MYLK: variants seen among roughly 807,000 people sequenced by gnomAD.
MYLK encodes the protein myosin light chain kinase, smooth muscle.
In MYLK, 106 loss-of-function variants were observed where a neutral mutation model predicts 203.4. The observed-to-expected ratio is 0.52, with a 90% CI of 0.45 to 0.61. The LOEUF (loss-of-function observed/expected upper bound fraction) is 0.61, where lower values mean the gene tolerates loss of function less well. MYLK is among the 20% of genes least tolerant of loss of function. The pLI is 0.00. For missense variants in MYLK, 2,072 were observed against 2,442.3 expected, an observed-to-expected ratio of 0.85 and a Z score of 3.20; for synonymous variants, 867 against 959.5, an observed-to-expected ratio of 0.90 and a Z score of 1.78.
chr3:123,686,648 C>T (rs2060468568), intron 19 of MYLK, among the ~76,000 whole-genome samples: 1 of 152,068 alleles, frequency 6.6e-6, no homozygotes, highest in South Asian at 2.1e-4. Context: ...GTTGTGAGTC[C>T]CTGGGCAAGT....
chr3:123,624,665 A>G (rs577582164), intron 31 of MYLK: 33 of 152,274 alleles, frequency 2.2e-4, no homozygotes, highest in African/African-American at 7.9e-4. Flanking sequence ...CCTCCCCCAC[A>G]TTTTTAAAAA....
At chr3:123,681,660 A>G (rs561635473) in intron 20 of MYLK, 106 of 169,906 alleles carry the variant, frequency 6.2e-4, no homozygotes, top group Non-Finnish European at 9.1e-4. Flanking sequence ...TGGCCTGAGT[A>G]TAAAATAGAA....
At chr3:123,733,162 G>A in intron 10 of MYLK, 60 bp from the exon 11 acceptor site, 2 of 1,561,398 alleles carry the variant, frequency 1.3e-6, no homozygotes, top group East Asian at 2.3e-5. Context: ...CTGTGATTGT[G>A]AGGTAGGTGG....
At chr3:123,766,931 T>C (rs111263474) in intron 4 of MYLK, among the ~76,000 whole-genome samples, 4,385 of 152,282 alleles carry the variant, frequency 0.029, 207 homozygotes, top group African/African-American at 0.096. Flanking sequence ...TGGTGGCCTG[T>C]TTGGGGGCTG....
chr3:123,750,840 A>T lies in MYLK; in HGVS notation c.373+1491T>A, dbSNP rs188824295. 4.9e-3 allele frequency among the ~76,000 whole-genome samples: 743 copies of T among 152,310 alleles called. 9 individuals carry two copies. Among genetic ancestry groups the T allele is most frequent in the African/African-American group, 0.017 (711 of 41,574 alleles). The stretch of plus-strand genomic sequence containing the variant: ...AGGTTCTGAGCAGGGGCCACTTTCC[A>T]TCTGGAATGCCCCAGCCAAAAGCAC... On this transcript the variant is annotated intron_variant, in intron 5 of 33. Coordinates refer to ENST00000360304, the MANE Select transcript of MYLK (RefSeq NM_053025.4).
At chr3:123,650,084 C>T (rs1254391) in intron 24 of MYLK, among the ~76,000 whole-genome samples, 3,887 of 152,274 alleles carry the variant, frequency 0.026, 68 homozygotes, top group Middle Eastern at 0.092. Flanking sequence ...CAGCACAGCA[C>T]GCCCACTTCA....
chr3:123,734,346 T>C, intron 9 of MYLK, 124 bp from the exon 10 acceptor site: 2 of 997,732 alleles, frequency 2.0e-6, no homozygotes, highest in Non-Finnish European at 2.8e-6. Flanking sequence ...AGCCCACAAG[T>C]TAAGGGCAAG....
chr3:123,635,512 T>G (rs1475894275), intron 29 of MYLK, among the ~76,000 whole-genome samples: 2 of 152,150 alleles, frequency 1.3e-5, no homozygotes, highest in Non-Finnish European at 1.5e-5. Context: ...CAGTGCCACC[T>G]GGCCTGGGTC....
At chr3:123,686,964 G>A (rs820375) in intron 19 of MYLK, among the ~76,000 whole-genome samples, 131,603 of 152,196 alleles carry the variant, frequency 0.86, 59,780 homozygotes, top group Non-Finnish European at 1. Flanking sequence ...GCTCACGCCT[G>A]TAATCCCAGC....
At chr3:123,790,075 C>T (rs2064714608) in intron 4 of MYLK, among the ~76,000 whole-genome samples, 1 of 152,192 alleles carries the variant, frequency 6.6e-6, no homozygotes, top group Non-Finnish European at 1.5e-5. Context: ...CTCTTAGCTG[C>T]TGGTTCTTTT....
intron 19 of MYLK, among the ~76,000 whole-genome samples, chr3:123,686,530 C>T (rs1002058221): frequency 3.3e-5 from 5 of 152,130 alleles, no homozygotes; most frequent in Admixed American, 1.3e-4. Flanking sequence ...CCTGGGTTGG[C>T]TCATCCCTCC....
intron 2 of MYLK, among the ~76,000 whole-genome samples, chr3:123,870,112 C>G (rs1164714822): frequency 6.6e-6 from 1 of 152,156 alleles, no homozygotes; most frequent in Non-Finnish European, 1.5e-5. Flanking sequence ...CAATCAAGCC[C>G]TTTTAGAACA....
intron 12 of MYLK, 59 bp downstream of exon 12, chr3:123,725,885 C>T: frequency 6.3e-7 from 1 of 1,587,064 alleles, no homozygotes; most frequent in South Asian, 1.2e-5. Flanking sequence ...AGTGAGAATT[C>T]AGGCAGCGCC....
rs150114506 is a variant in MYLK, at chr3:123,610,591, G to A, written c.*3514C>T. ...CATGGCCCCATCTAACCAGGAAGCC[G>A]AGAGTGAAGCCCTAACTCTGTGCAG... On this transcript the variant is annotated 3_prime_UTR_variant, in exon 34 of 34. Coordinates refer to ENST00000360304, the MANE Select transcript of MYLK (RefSeq NM_053025.4). 1.9e-4 allele frequency: 29 copies of A among 152,346 alleles called. No individual in the cohort carries two copies. The highest frequency in any genetic ancestry group is 3.3e-4 in the Admixed American group (5 of 15,300). 9.4% of individuals were successfully genotyped at this position (152,346 alleles called of 1,614,324 possible). A position where few individuals can be genotyped will look rare whatever the true frequency, so the allele number is the denominator to read the frequency against.
intron 5 of MYLK, among the ~76,000 whole-genome samples, chr3:123,747,471 G>A (rs2063056352): frequency 6.6e-6 from 1 of 152,228 alleles, no homozygotes; most frequent in South Asian, 2.1e-4. Flanking sequence ...AGCCCAGTCA[G>A]TGTTTTCAGC....
chr3:123,633,870 T>TG lies in MYLK; in HGVS notation c.4961+4200dup, dbSNP rs534338360. Among the ~76,000 whole-genome samples the TG allele has an allele frequency of 2.0e-4, 30 of 152,014 alleles. No homozygotes were observed. In the South Asian group the frequency reaches 4.4e-3, roughly 22 times the overall value. Reference sequence around the variant, plus strand: ...GTGTATGTGTGTGGGTTTTAAGAAATGGGGGTCTCGCTATATCAGCCAGGC... The same window carrying TG: ...GTGTATGTGTGTGGGTTTTAAGAAATGGGGGGTCTCGCTATATCAGCCAGGC... On this transcript the variant is annotated intron_variant, in intron 29 of 33. Coordinates refer to ENST00000360304, the MANE Select transcript of MYLK (RefSeq NM_053025.4).
chr3:123,614,005 A>T lies in MYLK; in HGVS notation c.*100T>A. The T allele has an allele frequency of 7.0e-7, 1 of 1,433,390 alleles. No individual in the cohort carries two copies. Among genetic ancestry groups the T allele is most frequent in the Non-Finnish European group, 9.6e-7 (1 of 1,037,314 alleles). The allele number at this position is 1,433,390 out of a possible 1,614,324, so 88.8% of individuals were successfully genotyped here. A position where few individuals can be genotyped will look rare whatever the true frequency, so the allele number is the denominator to read the frequency against. ...AATGACCTAACCGATAATCTATCAC[A>T]CTAGGTGCTTTTACTATCTTGAGTT... On this transcript the variant is annotated 3_prime_UTR_variant, in exon 34 of 34. Transcript: ENST00000360304.
At chr3:123,862,045 T>C (rs182192120) in intron 2 of MYLK, among the ~76,000 whole-genome samples, 15 of 152,334 alleles carry the variant, frequency 9.8e-5, no homozygotes, top group Admixed American at 2.0e-4. Flanking sequence ...GGGGGCTCCA[T>C]TGGAATCCGA....
In MYLK at chr3:123,615,366, C is replaced by A. The variant is rs908733573; in HGVS notation, c.5501-1017G>T. 2.0e-5 allele frequency among the ~76,000 whole-genome samples: 3 copies of A among 151,864 alleles called. No homozygotes were observed. The East Asian group carries it at 5.9e-4, about 30-fold the overall frequency. On this transcript the variant is annotated intron_variant, in intron 33 of 33. Coordinates refer to ENST00000360304, the MANE Select transcript of MYLK (RefSeq NM_053025.4). Reference sequence around the variant, plus strand: ...CTTTTTTTTTTGAGACAGAGTCTCACTCTGTCGCCCAGGCTGGAGTGCAGT... The same window carrying A: ...CTTTTTTTTTTGAGACAGAGTCTCAATCTGTCGCCCAGGCTGGAGTGCAGT...
Sources: allele counts gnomAD v4.1 joint callset (sites outside exome capture counted in the v4.1 genomes callset), GRCh38; gene constraint gnomAD v4.1.1; transcripts MANE v1.5; gene names NCBI Gene and HGNC (gene_info 2026-07-23, HGNC 2026-07-21).